Variants in DOCK9 observed in about 807,000 individuals in gnomAD.
DOCK9 encodes the protein dedicator of cytokinesis protein 9.
A neutral mutation model predicts 263.3 loss-of-function variants in DOCK9; 89 were observed. The ratio of observed to expected loss-of-function variants is 0.34; its 90% CI spans 0.28 to 0.40. DOCK9 has a LOEUF of 0.40. Among genes scored for constraint, DOCK9 ranks in the 10% least tolerant of loss-of-function variants. DOCK9 has a pLI of 1.00. For missense variants in DOCK9, 2,140 were observed against 2,603.4 expected (o/e 0.82, Z 3.87); for synonymous variants, 976 against 973.1 (o/e 1.00, Z -0.06).
chr13:99,060,516 ACT>A (rs754334406), intron 1 of DOCK9, among the ~76,000 whole-genome samples: 13 of 152,102 alleles, frequency 8.5e-5, no homozygotes, highest in Non-Finnish European at 1.5e-4. Flanking sequence ...AGGTCAAATA[ACT>A]CTATATTTAA....
intron 45 of DOCK9, among the ~76,000 whole-genome samples, chr13:98,821,951 CAG>C (rs1471981864): frequency 6.6e-6 from 1 of 152,220 alleles, no homozygotes; most frequent in Non-Finnish European, 1.5e-5. Context: ...TCCTCTCTGG[CAG>C]AGATTTTCAT....
chr13:99,072,245 G>C (rs1038351179), intron 1 of DOCK9, among the ~76,000 whole-genome samples: 1 of 152,096 alleles, frequency 6.6e-6, no homozygotes, highest in African/African-American at 2.4e-5. Context: ...TTCTATTTGG[G>C]TTGTCTTCCA....
chr13:98,992,977 T>A (rs980750400), intron 1 of DOCK9, among the ~76,000 whole-genome samples: 1 of 152,132 alleles, frequency 6.6e-6, no homozygotes, highest in African/African-American at 2.4e-5. Flanking sequence ...AAGAGCATGG[T>A]GTGTTTGGGA....
At chr13:98,987,952 T>A (rs1878855785) in intron 1 of DOCK9, among the ~76,000 whole-genome samples, 1 of 151,946 alleles carries the variant, frequency 6.6e-6, no homozygotes, top group Non-Finnish European at 1.5e-5. Context: ...AAATTTTTTT[T>A]AAATTTAAAA....
intron 1 of DOCK9, among the ~76,000 whole-genome samples, chr13:98,986,467 T>C (rs1459833748): frequency 1.3e-5 from 2 of 152,262 alleles, no homozygotes; most frequent in African/African-American, 4.8e-5. Flanking sequence ...AAGGGAATTG[T>C]AGCATTTCCC....
chr13:99,065,313 G>A (rs2142323759), intron 1 of DOCK9, among the ~76,000 whole-genome samples: 1 of 152,190 alleles, frequency 6.6e-6, no homozygotes, highest in South Asian at 2.1e-4. Context: ...TATGGCAAAA[G>A]TCTCCTGAGT....
chr13:99,029,823 C>T (rs1000457267), intron 1 of DOCK9, among the ~76,000 whole-genome samples: 3 of 152,196 alleles, frequency 2.0e-5, no homozygotes, highest in Non-Finnish European at 4.4e-5. Context: ...CACACAAAGA[C>T]TTGTATACAA....
intron 1 of DOCK9, among the ~76,000 whole-genome samples, chr13:99,067,990 C>A (rs534479473): frequency 9.2e-5 from 14 of 151,702 alleles, no homozygotes; most frequent in Non-Finnish European, 1.6e-4. Flanking sequence ...CCTAAGCCTA[C>A]AGAAAGAACC....
At chr13:99,012,641 G>C (rs535934417) in intron 1 of DOCK9, among the ~76,000 whole-genome samples, 1 of 152,154 alleles carries the variant, frequency 6.6e-6, no homozygotes, top group Non-Finnish European at 1.5e-5. Flanking sequence ...GCATGGGGGT[G>C]ACCCAAGGAA....
intron 1 of DOCK9, among the ~76,000 whole-genome samples, chr13:99,071,166 A>G (rs895763878): frequency 1.3e-5 from 2 of 152,078 alleles, no homozygotes; most frequent in African/African-American, 4.8e-5. Flanking sequence ...TTTTTGACAC[A>G]GGGTCTTGCT....
Position 98,978,061 on chromosome 13 carries a change from G to A in DOCK9, c.-152C>T. 1 of 1,425,844 alleles carries A rather than the reference G, an allele frequency of 7.0e-7. No individual in the cohort carries two copies. The highest frequency in any genetic ancestry group is 9.1e-7 in the Non-Finnish European group (1 of 1,095,138). 88.3% of individuals were successfully genotyped at this position (1,425,844 alleles called of 1,614,324 possible). A position where few individuals can be genotyped will look rare whatever the true frequency, so the allele number is the denominator to read the frequency against. ...CAGCCCCGCTGGCTGGGTCTGCAGA[G>A]CCTGTGGGGTGGGAAGGCATGACAG... On this transcript the variant is annotated 5_prime_UTR_variant, in exon 1 of 53. Coordinates refer to ENST00000682017, the MANE Select transcript of DOCK9 (RefSeq NM_001366683.2).
chr13:98,951,914 T>TTTTTTTTTTTTTTTG (rs2057467177), intron 2 of DOCK9, among the ~76,000 whole-genome samples: 1 of 151,332 alleles, frequency 6.6e-6, no homozygotes, highest in African/African-American at 2.4e-5. Flanking sequence ...TTTTTTTTTT[T>TTTTTTTTTTTTTTTG]GAGATGGAGT....
rs572890201 is a variant in DOCK9 at position 99,073,959 on chromosome 13, G to A, written c.129+12264C>T. 8.7e-4 allele frequency among the ~76,000 whole-genome samples: 132 copies of A among 152,302 alleles called. 2 individuals are homozygous for A. In the South Asian group the frequency reaches 0.027, roughly 31 times the overall value. The stretch of plus-strand genomic sequence containing the variant: ...GCTGGCATTAGATTCTCCAGCTTCA[G>A]ATCCTTCACATTCCTTTTGCTTTAA... On this transcript the variant is annotated intron_variant, in intron 1 of 32. Coordinates refer to the DOCK9 transcript ENST00000427887.
At position 99,053,362 on chromosome 13, in the gene DOCK9, C is replaced by T. The variant is rs543373820; in HGVS notation, c.129+32861G>A. Among the ~76,000 whole-genome samples the T allele has an allele frequency of 1.2e-4, 19 of 152,230 alleles. No homozygotes were observed. The South Asian group carries it at 3.1e-3, about 25-fold the overall frequency. ...TATAAATAATTTCCCATGCAAATCA[C>T]GTTTTGTGGCAGAAGGAAAAAACCA... is the stretch of plus-strand genomic sequence containing the variant. On this transcript the variant is annotated intron_variant, in intron 1 of 32. Coordinates refer to the DOCK9 transcript ENST00000427887.
rs1224276107 is a variant in DOCK9 at position 98,848,596 on chromosome 13, C to T, written c.4057G>A (p.Ala1353Thr). The stretch of plus-strand genomic sequence containing the variant: ...AATGAAAACGCCCCACAGTACCTGG[C>T]TATGTATCGCTTCCCCATGTACTGG... ...QFQYMGKRYI[A>T]RNQEGLGPIV... The change falls in exon 37 of 53, where the codon GCC (alanine) becomes ACC (threonine). Residue 1353 changes from alanine (A) to threonine (T), a missense_variant. By Grantham distance (58) the Ala-to-Thr change is moderately conservative (BLOSUM62 0). Transcript: ENST00000682017. 3.1e-6 allele frequency: 5 copies of T among 1,611,858 alleles called. No homozygotes were observed. The Middle Eastern group carries it at 5.0e-4, about 160-fold the overall frequency.
At chr13:99,006,075 C>T (rs1258414264) in intron 1 of DOCK9, among the ~76,000 whole-genome samples, 1 of 152,118 alleles carries the variant, frequency 6.6e-6, no homozygotes, top group Non-Finnish European at 1.5e-5. Context: ...TACATTCAAA[C>T]CTCAGTTAGT....
chr13:98,992,118 T>C (rs1168517034), intron 1 of DOCK9, among the ~76,000 whole-genome samples: 3 of 147,156 alleles, frequency 2.0e-5, no homozygotes, highest in Non-Finnish European at 3.0e-5. Context: ...GCCTAACCAA[T>C]ACAGTGAAAA....
chr13:98,818,238 C>G (rs2092031653), intron 45 of DOCK9, among the ~76,000 whole-genome samples: 1 of 152,138 alleles, frequency 6.6e-6, no homozygotes, highest in Admixed American at 6.5e-5. Flanking sequence ...GCTTCTGCAT[C>G]AAGTAACAAT....
At chr13:98,985,775 T>C (rs1181589494) in intron 1 of DOCK9, among the ~76,000 whole-genome samples, 2 of 150,446 alleles carry the variant, frequency 1.3e-5, no homozygotes, top group South Asian at 2.1e-4. Context: ...TCTGTAACTG[T>C]TTTATCTCCC....
Sources: allele counts gnomAD v4.1 joint callset (sites outside exome capture counted in the v4.1 genomes callset), GRCh38; gene constraint gnomAD v4.1.1; transcripts MANE v1.5; gene names NCBI Gene and HGNC (gene_info 2026-07-23, HGNC 2026-07-21).